Variants in ATRNL1 observed in about 807,000 individuals in gnomAD.
The protein encoded by ATRNL1 is attractin like 1, also known as attractin-like protein 1.
Under a neutral mutation model 182.7 loss-of-function variants are expected in ATRNL1, and 95 were observed. The ratio of observed to expected loss-of-function variants is 0.52; its 90% CI spans 0.44 to 0.62. The LOEUF is 0.62. Among genes scored for constraint, ATRNL1 ranks in the 20% least tolerant of loss-of-function variants. The pLI is 0.00. For synonymous variants in ATRNL1, 576 were observed against 568.3 expected (o/e 1.01, Z -0.19); for missense variants, 1,471 against 1,679.5 (o/e 0.88, Z 2.17).
At chr10:115,915,904 A>C (rs1952834744) in intron 28 of ATRNL1, among the ~76,000 whole-genome samples, 1 of 152,086 alleles carries the variant, frequency 6.6e-6, no homozygotes, top group South Asian at 2.1e-4. Context: ...CACAGGCTTT[A>C]AGAGATCTGC....
chr10:115,135,584 C>G (rs534553410), intron 5 of ATRNL1, among the ~76,000 whole-genome samples: 1 of 152,250 alleles, frequency 6.6e-6, no homozygotes, highest in East Asian at 1.9e-4. Context: ...TAGGAGGAAT[C>G]AATATTGTGA....
chr10:115,126,670 T>C (rs7919754), intron 3 of ATRNL1, among the ~76,000 whole-genome samples: 1,798 of 152,308 alleles, frequency 0.012, 32 homozygotes, highest in African/African-American at 0.04. Flanking sequence ...CTATAATATT[T>C]CATTTATGTG....
intron 13 of ATRNL1, among the ~76,000 whole-genome samples, chr10:115,277,548 AGAAGGCCT>A (rs1554915225): frequency 1.3e-5 from 2 of 152,118 alleles, no homozygotes; most frequent in African/African-American, 4.8e-5. Context: ...CCATTACATG[AGAAGGCCT>A]GAGGTATTTA....
chr10:115,447,922 A>G (rs997835648), intron 21 of ATRNL1, among the ~76,000 whole-genome samples: 2 of 151,938 alleles, frequency 1.3e-5, no homozygotes, highest in Admixed American at 6.6e-5. Context: ...TCTCTTTAAT[A>G]TTTGCCAATC....
rs781936321 is a variant in ATRNL1, at chr10:115,160,167, G to A, written c.957G>A (p.Val319=). 4 of 1,612,622 alleles carry A rather than the reference G, an allele frequency of 2.5e-6. No individual in the cohort carries two copies. In the Admixed American group the frequency reaches 6.7e-5, roughly 27 times the overall value. ...TTTTACACGGGAAATTTATGTGGGT[G>A]ATTGGTGGATATACTTTTAACTACA... ...KAVLHGKFMW[V]IGGYTFNYSS... is the part of the protein sequence containing the mutation. The change falls in exon 6 of 29, where the codon GTG becomes GTA. Residue 319 remains valine (V), a synonymous_variant. Transcript: ENST00000355044.
chr10:115,866,652 C>CTCT (rs1555104808), intron 28 of ATRNL1, among the ~76,000 whole-genome samples: 2 of 151,966 alleles, frequency 1.3e-5, no homozygotes, highest in African/African-American at 4.8e-5. Context: ...TGTTTCCTGA[C>CTCT]AGGAAAGCAT....
At chr10:115,216,911 TTTA>T (rs1281456357) in intron 9 of ATRNL1, among the ~76,000 whole-genome samples, 2 of 152,078 alleles carry the variant, frequency 1.3e-5, no homozygotes, top group African/African-American at 4.8e-5. Flanking sequence ...AAAATGTAGT[TTTA>T]TTCTTTATAT....
chr10:115,403,250 C>T (rs1844657275), intron 20 of ATRNL1, among the ~76,000 whole-genome samples: 1 of 118,184 alleles, frequency 8.5e-6, no homozygotes, highest in African/African-American at 4.9e-5. Context: ...TTCCTAATTA[C>T]TCTCATCTTT....
chr10:115,412,875 A>T (rs781846286), intron 20 of ATRNL1, among the ~76,000 whole-genome samples: 43 of 152,122 alleles, frequency 2.8e-4, no homozygotes, highest in Non-Finnish European at 5.3e-4. Context: ...TAATTTTGTT[A>T]TATTGTTTTC....
chr10:115,638,050 G>A (rs1028920630), intron 26 of ATRNL1, among the ~76,000 whole-genome samples: 4 of 151,918 alleles, frequency 2.6e-5, no homozygotes, highest in Admixed American at 1.3e-4. Context: ...ATACATTAAT[G>A]TCCTAGGCTT....
intron 6 of ATRNL1, 71 bp downstream of exon 6, chr10:115,160,285 ATTG>A (rs1336921401): frequency 1.5e-5 from 21 of 1,414,228 alleles, no homozygotes; most frequent in Non-Finnish European, 1.9e-5. Flanking sequence ...TTTTTTTTTA[ATTG>A]TTGTCCGAGA....
At chr10:115,868,398 G>T (rs1256916179) in intron 28 of ATRNL1, among the ~76,000 whole-genome samples, 3 of 152,114 alleles carry the variant, frequency 2.0e-5, no homozygotes, top group Non-Finnish European at 4.4e-5. Context: ...ACAATTGGGT[G>T]CACTCTCATT....
At chr10:115,358,664 C>A (rs1323599099) in intron 19 of ATRNL1, among the ~76,000 whole-genome samples, 1 of 151,496 alleles carries the variant, frequency 6.6e-6, no homozygotes, top group East Asian at 1.9e-4. Context: ...AATGAGTAAA[C>A]CAAGGACATA....
rs181710776 is a variant in ATRNL1 at position 115,488,069 on chromosome 10, A to G, written c.3654+18740A>G. Reference sequence around the variant, plus strand: ...AACCAGTCTTGCATCTCAGGGATGAAGCTGACTTGATTGTGGTGGATAAGC... The same window carrying G: ...AACCAGTCTTGCATCTCAGGGATGAGGCTGACTTGATTGTGGTGGATAAGC... On this transcript the variant is annotated intron_variant, in intron 24 of 28. Coordinates refer to ENST00000355044, the MANE Select transcript of ATRNL1 (RefSeq NM_207303.4). 1.4e-4 allele frequency among the ~76,000 whole-genome samples: 21 copies of G among 152,260 alleles called. No homozygotes were observed. The East Asian group carries it at 3.9e-3, about 28-fold the overall frequency.
intron 27 of ATRNL1, among the ~76,000 whole-genome samples, chr10:115,810,755 A>T (rs1589536890): frequency 6.6e-6 from 1 of 151,758 alleles, no homozygotes; most frequent in Non-Finnish European, 1.5e-5. Flanking sequence ...GGAATTTATT[A>T]TTTTATCTAA....
chr10:115,467,554 A>C (rs1460722174), intron 23 of ATRNL1, among the ~76,000 whole-genome samples: 1 of 150,750 alleles, frequency 6.6e-6, no homozygotes, highest in Non-Finnish European at 1.5e-5. Context: ...TAATGACTAA[A>C]GAGACTGAAA....
chr10:115,461,822 A>G (rs1847810929), intron 21 of ATRNL1, 119 bp from the exon 22 acceptor site: 2 of 473,672 alleles, frequency 4.2e-6, no homozygotes, highest in South Asian at 5.0e-5. Flanking sequence ...TAAATATACC[A>G]CTAGTATTTA....
intron 28 of ATRNL1, among the ~76,000 whole-genome samples, chr10:115,906,382 G>A (rs1555114555): frequency 6.6e-6 from 1 of 152,052 alleles, no homozygotes; most frequent in African/African-American, 2.4e-5. Context: ...TTTGTAAAAT[G>A]GGAATGATTA....
intron 14 of ATRNL1, 60 bp downstream of exon 14, chr10:115,281,547 A>C: frequency 6.6e-7 from 1 of 1,520,890 alleles, no homozygotes. Context: ...CTGACATAGA[A>C]AAGTACATTT....
Sources: gnomAD v4.1 joint callset for allele counts (sites outside exome capture counted in the v4.1 genomes callset) on GRCh38, gnomAD v4.1.1 for gene constraint, MANE v1.5 for transcripts, NCBI Gene and HGNC (gene_info 2026-07-23, HGNC 2026-07-21) for gene names.